The following SAE1 variants were observed in gnomAD, a reference collection of about 807,000 sequenced individuals.
The protein encoded by SAE1 is SUMO-activating enzyme subunit 1.
SAE1 carries 11 observed loss-of-function variants against 40.6 expected under a neutral mutation model. The ratio of observed to expected loss-of-function variants is 0.27; its 90% CI spans 0.17 to 0.45. SAE1 has a LOEUF of 0.45. Among genes scored for constraint, SAE1 ranks in the 20% least tolerant of loss-of-function variants. The pLI, the probability that SAE1 is intolerant of heterozygous loss-of-function variation, is 1.00. For missense variants in SAE1, 373 were observed against 427.3 expected, an observed-to-expected ratio of 0.87 and a Z score of 1.12; for synonymous variants, 155 against 154.3, an observed-to-expected ratio of 1.00 and a Z score of -0.03.
At chr19:47,172,462 C>T (rs1237437184) in intron 6 of SAE1, among the ~76,000 whole-genome samples, 1 of 152,048 alleles carries the variant, frequency 6.6e-6, no homozygotes, top group Admixed American at 6.6e-5. Flanking sequence ...GAAACAATGG[C>T]GCTAATTTGC....
intron 2 of SAE1, among the ~76,000 whole-genome samples, chr19:47,149,724 TAA>T (rs1052704483): frequency 6.6e-6 from 1 of 152,112 alleles, no homozygotes; most frequent in Admixed American, 6.6e-5. Flanking sequence ...AAAAAAAGTT[TAA>T]AGTCATTTTA....
intron 6 of SAE1, among the ~76,000 whole-genome samples, chr19:47,189,856 T>A (rs1292063795): frequency 1.3e-5 from 2 of 152,202 alleles, no homozygotes; most frequent in African/African-American, 4.8e-5. Flanking sequence ...TTAAATGTAA[T>A]AGAAGTTTAT....
At chr19:47,207,942 T>G (rs772305443) in intron 8 of SAE1, among the ~76,000 whole-genome samples, 2 of 152,152 alleles carry the variant, frequency 1.3e-5, no homozygotes, top group Non-Finnish European at 2.9e-5. Flanking sequence ...AGCCCTGTTC[T>G]TGTATTTTAA....
chr19:47,175,607 A>G (rs1355730949), intron 6 of SAE1, among the ~76,000 whole-genome samples: 1 of 152,156 alleles, frequency 6.6e-6, no homozygotes, highest in Non-Finnish European at 1.5e-5. Flanking sequence ...GCATGGTGGC[A>G]CATGCCTGTA....
intron 6 of SAE1, among the ~76,000 whole-genome samples, chr19:47,173,363 C>T (rs117171492): frequency 0.016 from 2,430 of 152,262 alleles, 41 homozygotes; most frequent in Non-Finnish European, 0.026. Flanking sequence ...ACTGTTTCTT[C>T]CTCAACCACC....
At chr19:47,158,990 T>C (rs2058341100) in intron 5 of SAE1, among the ~76,000 whole-genome samples, 1 of 152,206 alleles carries the variant, frequency 6.6e-6, no homozygotes, top group Non-Finnish European at 1.5e-5. Flanking sequence ...GCCACTGTCA[T>C]GCTCCCATGT....
rs1313179937 is a variant in SAE1 at position 47,195,815 on chromosome 19, G to A, written c.734-1418G>A. Among the ~76,000 whole-genome samples, 4 of 135,612 alleles carry A rather than the reference G, an allele frequency of 2.9e-5. No homozygotes were observed. In the East Asian group the frequency reaches 9.2e-4, roughly 31 times the overall value. The allele number at this position is 135,612 out of a possible 152,430, so 89.0% of individuals were successfully genotyped here. A position where few individuals can be genotyped will look rare whatever the true frequency, so the allele number is the denominator to read the frequency against. On this transcript the variant is annotated intron_variant, in intron 6 of 8. Transcript: ENST00000270225. ...CAGTGATGAGATCTCTGCTCATGTA[G>A]CCTTGACCTTCTGGGCTCAAGTGAT... is the stretch of plus-strand genomic sequence containing the variant.
intron 6 of SAE1, chr19:47,180,449 G>T: frequency 2.8e-6 from 1 of 359,240 alleles, no homozygotes; most frequent in Non-Finnish European, 5.5e-6. Flanking sequence ...TATCACCATA[G>T]TAGTAACAAT....
In SAE1 at chr19:47,166,595, A is replaced by G. The variant is rs544621585; in HGVS notation, c.628-3223A>G. Among the ~76,000 whole-genome samples, 8 of 152,254 alleles carry G rather than the reference A, an allele frequency of 5.3e-5. No homozygotes were observed. In the East Asian group the frequency reaches 1.5e-3, roughly 29 times the overall value. ...CCGTTTCATCATATAGTAGCCTAAC[A>G]TATTAGTTGGTTCGTTGCTTATAGT... On this transcript the variant is annotated intron_variant, in intron 5 of 8. Transcript: ENST00000270225.
At position 47,209,369 on chromosome 19, in the gene SAE1, A is replaced by G. The variant is rs1382599349; in HGVS notation, c.*118A>G. ...AAAACTGAAGTCATTGGCCCGATACAAAACATTTCCTGCAACGAAGGAGGT... is the reference window on the plus strand; with the variant it reads ...AAAACTGAAGTCATTGGCCCGATACGAAACATTTCCTGCAACGAAGGAGGT... On this transcript the variant is annotated 3_prime_UTR_variant, in exon 9 of 9. Coordinates refer to ENST00000270225, the MANE Select transcript of SAE1 (RefSeq NM_005500.3). 3 of 1,553,866 alleles carry G rather than the reference A, an allele frequency of 1.9e-6. No individual in the cohort carries two copies. Among genetic ancestry groups the G allele is most frequent in the East Asian group, 2.3e-5 (1 of 43,796 alleles).
At position 47,181,746 on chromosome 19, in the gene SAE1, TG is replaced by T. The variant is rs201895847; in HGVS notation, c.733+11826del. 8.2e-3 allele frequency among the ~76,000 whole-genome samples: 1,219 copies of T among 148,936 alleles called. 13 individuals are homozygous for T. The highest frequency in any genetic ancestry group is 9.6e-3 in the Non-Finnish European group (649 of 67,492). On this transcript the variant is annotated intron_variant, in intron 6 of 8. Coordinates refer to ENST00000270225, the MANE Select transcript of SAE1 (RefSeq NM_005500.3). ...CTCCCACCTCAGCCTCCTGAAGTGC[TG>T]GGATTATAAGTGTGAGCCAGTGCAC...
At chr19:47,202,639 C>T (rs1424862733) in intron 7 of SAE1, among the ~76,000 whole-genome samples, 2 of 151,442 alleles carry the variant, frequency 1.3e-5, no homozygotes, top group Non-Finnish European at 2.9e-5. Flanking sequence ...AGGGGCTGGG[C>T]GCAGTGGCTC....
chr19:47,178,068 C>T (rs1018121363), intron 6 of SAE1, among the ~76,000 whole-genome samples: 1 of 151,946 alleles, frequency 6.6e-6, no homozygotes, highest in African/African-American at 2.4e-5. Context: ...TAGTGAAACC[C>T]CATCTCTACT....
chr19:47,165,193 G>A (rs1030078692), intron 5 of SAE1, among the ~76,000 whole-genome samples: 3 of 147,704 alleles, frequency 2.0e-5, no homozygotes, highest in Non-Finnish European at 4.4e-5. Flanking sequence ...GGGTTCAAGC[G>A]ATTCTCCTGT....
intron 3 of SAE1, among the ~76,000 whole-genome samples, chr19:47,152,209 G>C (rs996393118): frequency 6.6e-6 from 1 of 152,230 alleles, no homozygotes; most frequent in African/African-American, 2.4e-5. Context: ...ATTTTGTGCA[G>C]TAGAACTTAG....
intron 6 of SAE1, among the ~76,000 whole-genome samples, chr19:47,195,245 G>A (rs987723949): frequency 2.0e-5 from 3 of 151,978 alleles, no homozygotes; most frequent in African/African-American, 7.3e-5. Flanking sequence ...AGTAGAGACC[G>A]GGTTTCACCA....
At chr19:47,164,472 C>T (rs974352130) in intron 5 of SAE1, among the ~76,000 whole-genome samples, 5 of 151,018 alleles carry the variant, frequency 3.3e-5, no homozygotes, top group Admixed American at 1.3e-4. Context: ...TGGCCTGGAG[C>T]GCGTGATTTT....
At chr19:47,159,624 T>A (rs1212517875) in intron 5 of SAE1, among the ~76,000 whole-genome samples, 1 of 151,900 alleles carries the variant, frequency 6.6e-6, no homozygotes, top group Non-Finnish European at 1.5e-5. Context: ...GTTCAAACAC[T>A]GCTCACTGCA....
At chr19:47,205,066 T>C (rs1049174797) in intron 8 of SAE1, among the ~76,000 whole-genome samples, 36 of 152,374 alleles carry the variant, frequency 2.4e-4, no homozygotes, top group African/African-American at 7.9e-4. Context: ...TTGCAGACTT[T>C]GCTATTTGCC....
Sources: allele counts gnomAD v4.1 joint callset (sites outside exome capture counted in the v4.1 genomes callset), GRCh38; gene constraint gnomAD v4.1.1; transcripts MANE v1.5; gene names NCBI Gene and HGNC (gene_info 2026-07-23, HGNC 2026-07-21).